Variants in ACAP2 observed in about 807,000 individuals in gnomAD.
ACAP2 encodes ArfGAP with coiled-coil, ankyrin repeat and PH domains 2.
In ACAP2, 39 loss-of-function variants were observed where a neutral mutation model predicts 115.8. The observed-to-expected ratio is 0.34, with a 90% CI of 0.26 to 0.44. The LOEUF (loss-of-function observed/expected upper bound fraction) is 0.44, where lower values mean the gene tolerates loss of function less well. Ranked by LOEUF, ACAP2 falls within the 20% of genes least tolerant of loss-of-function variation. The pLI, the probability that ACAP2 is intolerant of heterozygous loss-of-function variation, is 1.00. For synonymous variants in ACAP2, 289 were observed against 315.8 expected (o/e 0.92, Z 0.90); for missense variants, 662 against 927.6 (o/e 0.71, Z 3.72).
At chr3:195,396,574 G>T (rs146556064) in intron 1 of ACAP2, among the ~76,000 whole-genome samples, 4 of 152,004 alleles carry the variant, frequency 2.6e-5, no homozygotes, top group Non-Finnish European at 5.9e-5. Context: ...GATCACTTGA[G>T]GTCAGGAGTT....
intron 4 of ACAP2, among the ~76,000 whole-genome samples, chr3:195,360,094 G>C (rs991676795): frequency 2.6e-5 from 4 of 152,088 alleles, no homozygotes; most frequent in Non-Finnish European, 4.4e-5. Flanking sequence ...TGGCTGAATG[G>C]ATAAAGAAAC....
chr3:195,294,656 C>T (rs1386298870), intron 18 of ACAP2, 63 bp downstream of exon 18: 3 of 554,616 alleles, frequency 5.4e-6, no homozygotes, highest in Non-Finnish European at 5.8e-6. Flanking sequence ...CAAAGGTAAA[C>T]ATTTACCACA....
At chr3:195,426,684 A>G (rs2108847765) in intron 1 of ACAP2, among the ~76,000 whole-genome samples, 1 of 152,324 alleles carries the variant, frequency 6.6e-6, no homozygotes, top group South Asian at 2.1e-4. Flanking sequence ...AAGAAAAAAG[A>G]AAAAACTTCC....
At chr3:195,429,446 C>T (rs184084015) in intron 1 of ACAP2, among the ~76,000 whole-genome samples, 63 of 150,922 alleles carry the variant, frequency 4.2e-4, no homozygotes, top group African/African-American at 1.5e-3. Flanking sequence ...AGTTAAAATG[C>T]TAAGCAAAAG....
intron 13 of ACAP2, among the ~76,000 whole-genome samples, chr3:195,303,928 G>A (rs752677317): frequency 2.0e-4 from 30 of 152,052 alleles, no homozygotes; most frequent in South Asian, 2.1e-4. Context: ...TTGGGAAGCC[G>A]AGGTGAGTGG....
In ACAP2 at chr3:195,364,663, T is replaced by C. The variant is rs1367799865; in HGVS notation, c.285+16346A>G. On this transcript the variant is annotated intron_variant, in intron 4 of 22. Transcript: ENST00000326793. ...GAGGATGTGGAGAAAAGAATACCCT[T>C]GTACACTGTTGGTGGGAATGTAAAT... 2.0e-5 allele frequency among the ~76,000 whole-genome samples: 3 copies of C among 152,196 alleles called. No individual in the cohort carries two copies. In the East Asian group the frequency reaches 5.8e-4, roughly 29 times the overall value.
intron 14 of ACAP2, 46 bp from the exon 15 acceptor site, chr3:195,301,690 CGTATTT>C (rs747901855): frequency 1.3e-6 from 2 of 1,544,506 alleles, no homozygotes; most frequent in South Asian, 2.3e-5. Context: ...TCTCTGTTTG[CGTATTT>C]GCGCAAGTTC....
chr3:195,417,742 G>C (rs1422996741), intron 1 of ACAP2, among the ~76,000 whole-genome samples: 1 of 152,144 alleles, frequency 6.6e-6, no homozygotes, highest in East Asian at 1.9e-4. Context: ...GAGCCCAGGA[G>C]TTCAAGGCCA....
At chr3:195,347,934 C>T (rs544749644) in intron 4 of ACAP2, among the ~76,000 whole-genome samples, 32 of 152,062 alleles carry the variant, frequency 2.1e-4, no homozygotes, top group African/African-American at 7.7e-4. Flanking sequence ...ATCACTTGAG[C>T]CCAGGAGTTC....
chr3:195,303,596 AATAC>A (rs560761203), intron 13 of ACAP2, among the ~76,000 whole-genome samples: 144 of 147,494 alleles, frequency 9.8e-4, no homozygotes, highest in South Asian at 8.1e-3. Context: ...TATGTACATA[AATAC>A]ATACATACAT....
At chr3:195,282,125 C>A (rs1726549041) in intron 22 of ACAP2, 1 of 152,202 alleles carries the variant, frequency 6.6e-6, no homozygotes. Flanking sequence ...CAATATATGG[C>A]TTCTACTATT....
chr3:195,427,582 T>C (rs1714779902), intron 1 of ACAP2, among the ~76,000 whole-genome samples: 1 of 152,140 alleles, frequency 6.6e-6, no homozygotes, highest in African/African-American at 2.4e-5. Context: ...CTGAATACTG[T>C]AGGCAATTGT....
chr3:195,412,699 C>G (rs1465466749), intron 1 of ACAP2: 1 of 266,944 alleles, frequency 3.7e-6, no homozygotes, highest in Non-Finnish European at 7.8e-6. Flanking sequence ...TTTTGAGCTA[C>G]AAGAAGTCTT....
At chr3:195,371,760 G>C (rs1269784023) in intron 4 of ACAP2, among the ~76,000 whole-genome samples, 1 of 152,084 alleles carries the variant, frequency 6.6e-6, no homozygotes, top group Non-Finnish European at 1.5e-5. Flanking sequence ...TCAAGCAATT[G>C]TCATGTCTCA....
Position 195,442,861 on chromosome 3 carries a change from C to G in ACAP2, c.-14G>C, listed in dbSNP as rs1312751640. 2.6e-6 allele frequency: 4 copies of G among 1,512,708 alleles called. No homozygotes were observed. Among genetic ancestry groups the G allele is most frequent in the Non-Finnish European group, 3.5e-6 (4 of 1,130,680 alleles). 93.7% of individuals were successfully genotyped at this position (1,512,708 alleles called of 1,614,324 possible). A position where few individuals can be genotyped will look rare whatever the true frequency, so the allele number is the denominator to read the frequency against. ...AGTCATCTTCATCCTGCCTCCGCCT[C>G]GCAGGCGGCGCTGGCAAAGCCGAGG... On this transcript the variant is annotated 5_prime_UTR_variant, in exon 1 of 23. Coordinates refer to ENST00000326793, the MANE Select transcript of ACAP2 (RefSeq NM_012287.6).
At chr3:195,414,651 T>C (rs1269767555) in intron 1 of ACAP2, among the ~76,000 whole-genome samples, 1 of 152,044 alleles carries the variant, frequency 6.6e-6, no homozygotes, top group Non-Finnish European at 1.5e-5. Flanking sequence ...AAATCAAAAA[T>C]AGAAAACACA....
Position 195,306,633 on chromosome 3 carries a change from T to A in ACAP2, c.1011-17A>T. On this transcript the variant is annotated splice_polypyrimidine_tract_variant and intron_variant, in intron 12 of 22. Transcript: ENST00000326793. ...ATGCAACTTCTAAAAGGAAATAACA[T>A]ATTGTTTTCTCAGACACTAAGTTAA... is the stretch of plus-strand genomic sequence containing the variant. The A allele has an allele frequency of 6.3e-7, 1 of 1,593,436 alleles. No homozygotes were observed.
chr3:195,352,627 G>C, intron 4 of ACAP2, among the ~76,000 whole-genome samples: 1 of 152,074 alleles, frequency 6.6e-6, no homozygotes, highest in East Asian at 1.9e-4. Context: ...CAACCCCAAA[G>C]TCCATTGCGG....
chr3:195,361,154 G>A (rs1732340497), intron 4 of ACAP2, among the ~76,000 whole-genome samples: 1 of 152,182 alleles, frequency 6.6e-6, no homozygotes, highest in Non-Finnish European at 1.5e-5. Context: ...AAGAAACTGG[G>A]CTGGGCACAG....
Sources: gnomAD v4.1 joint callset for allele counts (sites outside exome capture counted in the v4.1 genomes callset) on GRCh38, gnomAD v4.1.1 for gene constraint, MANE v1.5 for transcripts, NCBI Gene and HGNC (gene_info 2026-07-23, HGNC 2026-07-21) for gene names.